The following SPICE1 variants were observed in gnomAD, a reference collection of about 807,000 sequenced individuals.
The protein encoded by SPICE1 is spindle and centriole associated protein 1, also known as spindle and centriole-associated protein 1.
In SPICE1, 75 loss-of-function variants were observed where a neutral mutation model predicts 102.7. The ratio of observed to expected loss-of-function variants is 0.73; its 90% CI spans 0.61 to 0.88. SPICE1 has a LOEUF of 0.88. Among genes scored for constraint, SPICE1 ranks in the 40% least tolerant of loss-of-function variants. The pLI is 0.00. For missense variants in SPICE1, 979 were observed against 1,020.1 expected (o/e 0.96, Z 0.55); for synonymous variants, 308 against 350.3 (o/e 0.88, Z 1.35).
chr3:113,457,838 G>A (rs1025160354), intron 12 of SPICE1, among the ~76,000 whole-genome samples: 2 of 151,890 alleles, frequency 1.3e-5, no homozygotes, highest in African/African-American at 2.4e-5. Flanking sequence ...TTTTGTATTC[G>A]TTGTAAAGAC....
chr3:113,494,180 T>A, intron 4 of SPICE1, 38 bp from the exon 5 acceptor site: 1 of 1,381,264 alleles, frequency 7.2e-7, no homozygotes, highest in Non-Finnish European at 1.0e-6. Flanking sequence ...TTATTCAGAT[T>A]ATATTTACTT....
chr3:113,503,350 T>A (rs1021644627), intron 2 of SPICE1, 123 bp from the exon 3 acceptor site: 2 of 869,896 alleles, frequency 2.3e-6, no homozygotes, highest in Admixed American at 3.3e-5. Flanking sequence ...TCTTTCTTTC[T>A]AGGAACCAGT....
intron 7 of SPICE1, among the ~76,000 whole-genome samples, chr3:113,470,354 G>C (rs1194408965): frequency 6.6e-6 from 1 of 152,170 alleles, no homozygotes; most frequent in Non-Finnish European, 1.5e-5. Flanking sequence ...TGCTAGTTCT[G>C]AAGAGATAAA....
At chr3:113,493,937 ATAC>A (rs1936817510) in intron 5 of SPICE1, 109 bp downstream of exon 5, 6 of 688,280 alleles carry the variant, frequency 8.7e-6, no homozygotes, top group Non-Finnish European at 1.4e-5. Context: ...CCACCCTACA[ATAC>A]TTGTAATATA....
chr3:113,482,568 T>C (rs1238214468), intron 7 of SPICE1, among the ~76,000 whole-genome samples: 1 of 152,238 alleles, frequency 6.6e-6, no homozygotes, highest in Non-Finnish European at 1.5e-5. Flanking sequence ...CTTTAATCCA[T>C]CTTGAGTTAA....
intron 12 of SPICE1, 78 bp downstream of exon 12, chr3:113,460,539 A>T (rs1935907684): frequency 1.3e-6 from 2 of 1,509,892 alleles, no homozygotes; most frequent in South Asian, 1.4e-5. Flanking sequence ...ATATAAGTTT[A>T]GAGATTTAAG....
chr3:113,487,401 T>A (rs985848807), intron 7 of SPICE1, among the ~76,000 whole-genome samples: 1 of 152,130 alleles, frequency 6.6e-6, no homozygotes, highest in Non-Finnish European at 1.5e-5. Flanking sequence ...GATACTAATA[T>A]AGATATGTTC....
intron 10 of SPICE1, among the ~76,000 whole-genome samples, chr3:113,466,314 G>A (rs1210153335): frequency 1.3e-5 from 2 of 152,144 alleles, no homozygotes; most frequent in East Asian, 1.9e-4. Flanking sequence ...TAGCTTAAAA[G>A]TACACGCTTC....
chr3:113,478,240 A>G (rs935332933), intron 7 of SPICE1, among the ~76,000 whole-genome samples: 1 of 152,160 alleles, frequency 6.6e-6, no homozygotes, highest in Non-Finnish European at 1.5e-5. Context: ...GCTTACTTCA[A>G]TTAAAAGAAG....
chr3:113,477,263 A>G (rs1314705850), intron 7 of SPICE1, among the ~76,000 whole-genome samples: 1 of 152,068 alleles, frequency 6.6e-6, no homozygotes, highest in African/African-American at 2.4e-5. Flanking sequence ...TTAGAATGGC[A>G]ATCATTAAAA....
intron 11 of SPICE1, among the ~76,000 whole-genome samples, chr3:113,462,426 T>A (rs1020621628): frequency 1.3e-5 from 2 of 152,206 alleles, no homozygotes; most frequent in African/African-American, 4.8e-5. Flanking sequence ...CAATGTCAGA[T>A]TCCATTACAT....
At chr3:113,459,956 C>G in intron 12 of SPICE1, 1 of 985,022 alleles carries the variant, frequency 1.0e-6, no homozygotes, top group Non-Finnish European at 1.2e-6. Flanking sequence ...GAGTTTACCT[C>G]ATGCAAGTTA....
At chr3:113,468,592 A>G (rs772632960) in intron 9 of SPICE1, among the ~76,000 whole-genome samples, 170 bp downstream of exon 9, 3 of 152,202 alleles carry the variant, frequency 2.0e-5, no homozygotes, top group East Asian at 3.8e-4. Flanking sequence ...CACTAGAACC[A>G]CTGTTCCAGA....
chr3:113,468,054 A>C, intron 10 of SPICE1, 85 bp downstream of exon 10: 1 of 1,513,700 alleles, frequency 6.6e-7, no homozygotes, highest in Non-Finnish European at 8.9e-7. Flanking sequence ...ACTGTACTTT[A>C]TTTGGAGGTT....
chr3:113,499,966 CACTA>C (rs768103502), intron 3 of SPICE1, among the ~76,000 whole-genome samples: 1 of 151,956 alleles, frequency 6.6e-6, no homozygotes, highest in Non-Finnish European at 1.5e-5. Flanking sequence ...CATATACACA[CACTA>C]ACTGAGCACA....
At chr3:113,510,557 T>G (rs373131508) in intron 1 of SPICE1, among the ~76,000 whole-genome samples, 1 of 152,078 alleles carries the variant, frequency 6.6e-6, no homozygotes, top group African/African-American at 2.4e-5. Context: ...GGAGAACTGG[T>G]GAGCCATATG....
At position 113,453,940 on chromosome 3, in the gene SPICE1, CCTT is replaced by C; in HGVS notation, c.1665_1667del (p.Arg556del). 3 of 1,610,564 alleles carry C rather than the reference CCTT, an allele frequency of 1.9e-6. No individual in the cohort carries two copies. The highest frequency in any genetic ancestry group is 2.5e-6 in the Non-Finnish European group (3 of 1,178,188). ...GTGGAGCAGGACGAGTTTGAACAGT[CCTT>C]CTCAATACTATAGATAAGAATTTAA... On this transcript the variant is annotated inframe_deletion, in exon 14 of 18. Coordinates refer to ENST00000295872, the MANE Select transcript of SPICE1 (RefSeq NM_144718.4).
At position 113,450,516 on chromosome 3, in the gene SPICE1, T is replaced by A; in HGVS notation, c.2143A>T (p.Thr715Ser). The change falls in exon 15 of 18, where the codon ACT (threonine) becomes TCT (serine). Residue 715 changes from threonine (T) to serine (S), a missense_variant and splice_region_variant. Physicochemically the swap from Thr to Ser is moderately conservative, Grantham distance 58 (BLOSUM62 1). Transcript: ENST00000295872. The stretch of plus-strand genomic sequence containing the variant: ...GTTAGAGACTGTGCTACTGGAAAAG[T>A]CTTTGGGAGAAAAAAAAAAAAAGTA... The part of the protein sequence containing the change: ...KQESASDMTS[T>S]FPVAQSLTPG... The A allele has an allele frequency of 6.4e-7, 1 of 1,563,150 alleles. No individual in the cohort carries two copies. Among genetic ancestry groups the A allele is most frequent in the South Asian group, 1.2e-5 (1 of 84,276 alleles).
At chr3:113,490,293 T>C (rs994441318) in intron 6 of SPICE1, among the ~76,000 whole-genome samples, 2 of 152,170 alleles carry the variant, frequency 1.3e-5, no homozygotes, top group African/African-American at 4.8e-5. Flanking sequence ...AACCTCTATC[T>C]TCACACCCAG....
Sources: gnomAD v4.1 joint callset for allele counts (sites outside exome capture counted in the v4.1 genomes callset) on GRCh38, gnomAD v4.1.1 for gene constraint, MANE v1.5 for transcripts, NCBI Gene and HGNC (gene_info 2026-07-23, HGNC 2026-07-21) for gene names.